Variants in ALDH9A1 observed in about 807,000 individuals in gnomAD.
ALDH9A1 encodes the protein aldehyde dehydrogenase 9 family member A1.
ALDH9A1 carries 42 observed loss-of-function variants against 56.6 expected under a neutral mutation model. That is an observed-to-expected ratio of 0.74 (90% CI 0.58 to 0.96). ALDH9A1 has a LOEUF of 0.96. Among genes scored for constraint, ALDH9A1 ranks in the 40% least tolerant of loss-of-function variants. ALDH9A1 has a pLI of 0.00. For missense variants in ALDH9A1, 661 were observed against 651.5 expected (o/e 1.01, Z -0.16); for synonymous variants, 242 against 236.0 (o/e 1.03, Z -0.23).
At chr1:165,696,322 T>G (rs952145477) in intron 1 of ALDH9A1, among the ~76,000 whole-genome samples, 1 of 152,172 alleles carries the variant, frequency 6.6e-6, no homozygotes, top group Non-Finnish European at 1.5e-5. Flanking sequence ...CCTCTACTAT[T>G]TTACAGTTGA....
chr1:165,694,209 A>T (rs941505720), intron 2 of ALDH9A1, among the ~76,000 whole-genome samples: 5 of 130,126 alleles, frequency 3.8e-5, no homozygotes, highest in Non-Finnish European at 8.1e-5. Flanking sequence ...ACTTAAGTAT[A>T]AAAAAAAAAA....
At chr1:165,695,786 G>A (rs1329302299) in intron 1 of ALDH9A1, among the ~76,000 whole-genome samples, 8 of 151,872 alleles carry the variant, frequency 5.3e-5, no homozygotes, top group African/African-American at 1.7e-4. Flanking sequence ...GTGGGCTACC[G>A]TAACTTCTTG....
intron 8 of ALDH9A1, chr1:165,668,723 C>T (rs1242002483): frequency 6.8e-6 from 3 of 439,380 alleles, no homozygotes; most frequent in Non-Finnish European, 1.2e-5. Context: ...CCTGGATAAA[C>T]TAATACATAT....
intron 9 of ALDH9A1, 191 bp from the exon 10 acceptor site, chr1:165,665,321 A>G (rs1444404450): frequency 7.4e-6 from 4 of 537,742 alleles, no homozygotes; most frequent in Non-Finnish European, 1.3e-5. Flanking sequence ...TGCACATGGT[A>G]TCTTTAAAAT....
chr1:165,686,189 T>C (rs1649702069), intron 2 of ALDH9A1, among the ~76,000 whole-genome samples: 1 of 152,076 alleles, frequency 6.6e-6, no homozygotes, highest in Non-Finnish European at 1.5e-5. Context: ...CATCAGACAT[T>C]AAGCAACTCA....
intron 1 of ALDH9A1, among the ~76,000 whole-genome samples, chr1:165,697,017 A>C (rs1199221544): frequency 6.6e-6 from 1 of 152,184 alleles, no homozygotes; most frequent in Non-Finnish European, 1.5e-5. Context: ...GTCCCCTGCA[A>C]ATCAGTTTTA....
chr1:165,684,487 A>T (rs908202149), intron 2 of ALDH9A1, among the ~76,000 whole-genome samples: 6 of 152,230 alleles, frequency 3.9e-5, no homozygotes, highest in African/African-American at 1.2e-4. Context: ...GAAAGAGGGT[A>T]CCCTAAGAGG....
chr1:165,680,360 C>G (rs1649506580), intron 5 of ALDH9A1, 127 bp downstream of exon 5: 5 of 987,754 alleles, frequency 5.1e-6, no homozygotes, highest in Non-Finnish European at 7.7e-6. Context: ...CTAATAAAAT[C>G]TCCTTCCCAT....
intron 2 of ALDH9A1, among the ~76,000 whole-genome samples, chr1:165,693,646 A>T (rs1464991528): frequency 2.0e-5 from 3 of 152,246 alleles, no homozygotes. Flanking sequence ...CCATTGTGGA[A>T]GACAGTGTGG....
At chr1:165,679,082 C>G (rs928326179) in intron 6 of ALDH9A1, among the ~76,000 whole-genome samples, 2 of 152,150 alleles carry the variant, frequency 1.3e-5, no homozygotes. Context: ...AGTAACAGTA[C>G]TATATCAATG....
At chr1:165,674,118 T>G (rs548189565) in intron 6 of ALDH9A1, among the ~76,000 whole-genome samples, 3 of 151,994 alleles carry the variant, frequency 2.0e-5, no homozygotes, top group Non-Finnish European at 2.9e-5. Context: ...ATCAGCACCA[T>G]GACAGTTTAC....
chr1:165,669,232 A>G, intron 7 of ALDH9A1, 30 bp downstream of exon 7: 1 of 1,570,242 alleles, frequency 6.4e-7, no homozygotes, highest in South Asian at 1.2e-5. Context: ...AATCTTCCCC[A>G]ACCCCACCCT....
In ALDH9A1 at chr1:165,662,654, A is replaced by G. The variant is rs1042423238; in HGVS notation, c.*396T>C. 6.2e-6 allele frequency: 1 copy of G among 162,290 alleles called. No individual in the cohort carries two copies. The highest frequency in any genetic ancestry group is 2.4e-5 in the African/African-American group (1 of 41,632). The allele number at this position is 162,290 out of a possible 1,614,324, so 10.1% of individuals were successfully genotyped here. ...GAAATCTACAAACTGGTTGTGATCAATTAGTTGTAAATACCACTGCACTTG... is the reference window on the plus strand; with the variant it reads ...GAAATCTACAAACTGGTTGTGATCAGTTAGTTGTAAATACCACTGCACTTG... On this transcript the variant is annotated 3_prime_UTR_variant, in exon 11 of 11. Coordinates refer to ENST00000354775, the MANE Select transcript of ALDH9A1 (RefSeq NM_000696.4).
At chr1:165,665,677 C>A (rs1193082083) in intron 9 of ALDH9A1, among the ~76,000 whole-genome samples, 1 of 151,948 alleles carries the variant, frequency 6.6e-6, no homozygotes, top group Admixed American at 6.6e-5. Context: ...AAAAGAAAAC[C>A]CACAGAAATG....
chr1:165,669,410 A>G lies in ALDH9A1; in HGVS notation c.971T>C (p.Ile324Thr). 1 of 1,613,834 alleles carries G rather than the reference A, an allele frequency of 6.2e-7. No homozygotes were observed. The highest frequency in any genetic ancestry group is 1.1e-5 in the South Asian group (1 of 91,044). ...CACTTCCTCTGTAAATTTATCAAGA[A>G]TTTCTTTCTGCACAAATACTCTTGT... ...NGTRVFVQKEILDKFTEEVVK... is the reference protein window; with the variant it reads ...NGTRVFVQKETLDKFTEEVVK... The change falls in exon 7 of 11, where the codon ATT (isoleucine) becomes ACT (threonine). Residue 324 changes from isoleucine (I) to threonine (T), a missense_variant. Physicochemically the swap from Ile to Thr is moderately conservative, Grantham distance 89. Coordinates refer to ENST00000354775, the MANE Select transcript of ALDH9A1 (RefSeq NM_000696.4).
chr1:165,675,936 A>C (rs1314127552), intron 6 of ALDH9A1, among the ~76,000 whole-genome samples: 2 of 152,248 alleles, frequency 1.3e-5, no homozygotes, highest in Non-Finnish European at 2.9e-5. Context: ...TATTATTAGA[A>C]TACTAAGTGT....
intron 2 of ALDH9A1, 150 bp from the exon 3 acceptor site, chr1:165,683,260 G>C: frequency 1.2e-6 from 1 of 841,832 alleles, no homozygotes; most frequent in Non-Finnish European, 1.9e-6. Context: ...ATTTAGAAGA[G>C]AGATAAAGGC....
chr1:165,689,965 T>C (rs1431600026), intron 2 of ALDH9A1, among the ~76,000 whole-genome samples: 1 of 145,628 alleles, frequency 6.9e-6, no homozygotes, highest in African/African-American at 2.5e-5. Context: ...AAACAGAAAT[T>C]AGTGCTAAGG....
intron 6 of ALDH9A1, among the ~76,000 whole-genome samples, chr1:165,674,563 G>A (rs1649288299): frequency 6.7e-6 from 1 of 150,368 alleles, no homozygotes; most frequent in African/African-American, 2.4e-5. Flanking sequence ...GCACATGCCT[G>A]TAATCCCAGC....
Sources: allele counts gnomAD v4.1 joint callset (sites outside exome capture counted in the v4.1 genomes callset), GRCh38; gene constraint gnomAD v4.1.1; transcripts MANE v1.5; gene names NCBI Gene and HGNC (gene_info 2026-07-23, HGNC 2026-07-21).